The following COL21A1 variants were observed in gnomAD, a reference collection of about 807,000 sequenced individuals.
COL21A1 encodes collagen type XXI alpha 1 chain, also known as collagen alpha-1(XXI) chain.
Under a neutral mutation model 137.9 loss-of-function variants are expected in COL21A1, and 149 were observed. The observed-to-expected ratio is 1.08, with a 90% CI of 0.95 to 1.24. The LOEUF (loss-of-function observed/expected upper bound fraction) is 1.24. Among genes scored for constraint, COL21A1 ranks in the 50% most tolerant of loss-of-function variants. The pLI, the probability that COL21A1 is intolerant of heterozygous loss-of-function variation, is 0.00. For missense variants in COL21A1, 1,167 were observed against 1,158.4 expected (o/e 1.01, Z -0.11); for synonymous variants, 456 against 391.5 (o/e 1.16, Z -1.95).
At chr6:56,390,495 GACAC>G (rs35424168) in intron 1 of COL21A1, among the ~76,000 whole-genome samples, 11,223 of 139,792 alleles carry the variant, frequency 0.08, 855 homozygotes, top group African/African-American at 0.21. Flanking sequence ...TGGCTGAATG[GACAC>G]ACACACACAC....
At chr6:56,253,379 T>A (rs1782899367) in intron 1 of COL21A1, among the ~76,000 whole-genome samples, 1 of 152,208 alleles carries the variant, frequency 6.6e-6, no homozygotes, top group Non-Finnish European at 1.5e-5. Context: ...ATGGGGCCAG[T>A]TAGAGGTCTC....
intron 1 of COL21A1, chr6:56,276,816 G>GGT: frequency 6.6e-6 from 5 of 755,726 alleles, no homozygotes; most frequent in East Asian, 3.0e-5. Flanking sequence ...TGTTTTTTTT[G>GGT]TTTTTTTTTT....
chr6:56,097,888 T>C (rs1213471083), intron 17 of COL21A1, among the ~76,000 whole-genome samples: 1 of 93,818 alleles, frequency 1.1e-5, no homozygotes, highest in Non-Finnish European at 1.9e-5. Context: ...TATATAAATA[T>C]ATATAAATAT....
intron 1 of COL21A1, among the ~76,000 whole-genome samples, chr6:56,339,696 G>A (rs1284983324): frequency 3.9e-5 from 6 of 152,192 alleles, no homozygotes; most frequent in Admixed American, 3.9e-4. Flanking sequence ...CCAGTGTTTA[G>A]TTAAAGTGAG....
Position 56,266,028 on chromosome 6 carries a change from CTTTTAACGAGGCAA to C in COL21A1, c.-38-83386_-38-83373del, listed in dbSNP as rs1763383533. ...AGTTGTTAAAGCCTCTGTCCCAGTG[CTTTTAACGAGGCAA>C]TTTTACTCTGGGTAACCAGTAGCCT... is the stretch of plus-strand genomic sequence containing the variant. On this transcript the variant is annotated intron_variant, in intron 1 of 28. Coordinates refer to the COL21A1 transcript ENST00000370819. Among the ~76,000 whole-genome samples, 6 of 152,290 alleles carry C rather than the reference CTTTTAACGAGGCAA, an allele frequency of 3.9e-5. No individual in the cohort carries two copies. The South Asian group carries it at 1.2e-3, about 32-fold the overall frequency.
In COL21A1 at chr6:56,097,866, A is replaced by T. The variant is rs1482035036; in HGVS notation, c.1812+3606T>A. ...ATATAAATATATATAAATATATAAA[A>T]ATATCTATAAATATATAAATATATA... On this transcript the variant is annotated intron_variant, in intron 17 of 29. Transcript: ENST00000244728. 1.7e-4 allele frequency among the ~76,000 whole-genome samples: 15 copies of T among 88,688 alleles called. 2 individuals are homozygous for T. The highest frequency in any genetic ancestry group is 2.6e-4 in the East Asian group (1 of 3,794). The allele number at this position is 88,688 out of a possible 152,430, so 58.2% of individuals were successfully genotyped here.
intron 1 of COL21A1, among the ~76,000 whole-genome samples, chr6:56,368,399 A>G (rs1766148568): frequency 6.6e-6 from 1 of 152,218 alleles, no homozygotes. Flanking sequence ...TTGAAATGAC[A>G]CTTCTTTCAT....
chr6:56,128,229 C>T (rs1275884843), intron 12 of COL21A1, among the ~76,000 whole-genome samples: 2 of 152,150 alleles, frequency 1.3e-5, no homozygotes, highest in Non-Finnish European at 2.9e-5. Context: ...TCTGAAGACT[C>T]CTCACTCAAC....
At chr6:56,315,589 C>T (rs773578290) in intron 1 of COL21A1, among the ~76,000 whole-genome samples, 1 of 149,716 alleles carries the variant, frequency 6.7e-6, no homozygotes. Context: ...TCCCTAGAGG[C>T]TGTTCTTAGC....
rs181929439 is a variant in COL21A1, at chr6:56,097,959, A to G, written c.1812+3513T>C. On this transcript the variant is annotated intron_variant, in intron 17 of 29. Coordinates refer to ENST00000244728, the MANE Select transcript of COL21A1 (RefSeq NM_030820.4). ...TAAAAATATATATAAATATAAAAATATATATAAATATATAAATATATATAA... is the reference window on the plus strand; with the variant it reads ...TAAAAATATATATAAATATAAAAATGTATATAAATATATAAATATATATAA... Among the ~76,000 whole-genome samples the G allele has an allele frequency of 1.9e-3, 46 of 23,590 alleles. 1 individual carries two copies. The highest frequency in any genetic ancestry group is 4.5e-3 in the South Asian group (4 of 894). The allele number at this position is 23,590 out of a possible 152,430, so 15.5% of individuals were successfully genotyped here.
intron 1 of COL21A1, among the ~76,000 whole-genome samples, chr6:56,317,863 A>C (rs997771106): frequency 5.9e-5 from 9 of 152,082 alleles, no homozygotes; most frequent in African/African-American, 2.2e-4. Context: ...TTACAAAACT[A>C]TATTTCCTTT....
chr6:56,061,185 AC>A, intron 25 of COL21A1, 148 bp from the exon 26 acceptor site: 2 of 680,234 alleles, frequency 2.9e-6, no homozygotes, highest in South Asian at 2.5e-5. Flanking sequence ...ATTGTCATTG[AC>A]CAGAAGGGAA....
intron 1 of COL21A1, among the ~76,000 whole-genome samples, chr6:56,272,393 T>C (rs1763550042): frequency 6.9e-6 from 1 of 144,638 alleles, no homozygotes; most frequent in Non-Finnish European, 1.6e-5. Context: ...TGCACCCCCA[T>C]TGTATCTTGG....
chr6:56,198,483 C>T (rs1779179850), intron 1 of COL21A1, among the ~76,000 whole-genome samples: 1 of 151,952 alleles, frequency 6.6e-6, no homozygotes, highest in South Asian at 2.1e-4. Flanking sequence ...AAAATATATA[C>T]AATTTTTATT....
chr6:56,179,936 A>T lies in COL21A1; in HGVS notation c.282T>A (p.Tyr94Ter). 6.2e-7 allele frequency: 1 copy of T among 1,613,944 alleles called. No homozygotes were observed. The highest frequency in any genetic ancestry group is 8.5e-7 in the Non-Finnish European group (1 of 1,179,864). ...YPVLEIPLGSYDSGEHLTAAV... is the reference protein window; with the variant it reads ...YPVLEIPLGS ...CTGCCGTCAAATGTTCTCCTGAATC[A>T]TAGCTTCCGAGAGGAATCTCCAGCA... The change falls in exon 3 of 30, where the codon TAT becomes TAA. Residue 94 changes from tyrosine (Y) to a stop codon, truncating the protein, a stop_gained. Coordinates refer to ENST00000244728, the MANE Select transcript of COL21A1 (RefSeq NM_030820.4). LOFTEE classifies it high-confidence loss of function.
chr6:56,128,724 G>T (rs567714346), intron 12 of COL21A1, among the ~76,000 whole-genome samples: 1 of 152,046 alleles, frequency 6.6e-6, no homozygotes, highest in South Asian at 2.1e-4. Flanking sequence ...GTGTGATCGC[G>T]GCTCACTGCA....
intron 10 of COL21A1, among the ~76,000 whole-genome samples, chr6:56,142,699 T>C (rs1432961098): frequency 6.6e-6 from 1 of 152,176 alleles, no homozygotes; most frequent in Non-Finnish European, 1.5e-5. Flanking sequence ...CTCTAAACAT[T>C]TATCTAGGTT....
chr6:56,244,192 T>C (rs1198073125), intron 1 of COL21A1, among the ~76,000 whole-genome samples: 1 of 152,192 alleles, frequency 6.6e-6, no homozygotes, highest in Non-Finnish European at 1.5e-5. Flanking sequence ...TCTTTATGAT[T>C]ATATCTGCTC....
At chr6:56,264,260 G>T (rs1300977049) in intron 1 of COL21A1, among the ~76,000 whole-genome samples, 2 of 152,022 alleles carry the variant, frequency 1.3e-5, no homozygotes, top group Non-Finnish European at 2.9e-5. Context: ...ATTTTGATTT[G>T]GTTACTGTCT....
Sources: gnomAD v4.1 joint callset for allele counts (sites outside exome capture counted in the v4.1 genomes callset) on GRCh38, gnomAD v4.1.1 for gene constraint, MANE v1.5 for transcripts, NCBI Gene and HGNC (gene_info 2026-07-23, HGNC 2026-07-21) for gene names.